Variants in NOL4 observed in about 807,000 individuals in gnomAD.
The protein encoded by NOL4 is cancer/testis antigen 125.
A neutral mutation model predicts 75.9 loss-of-function variants in NOL4; 17 were observed. The ratio of observed to expected loss-of-function variants is 0.22; its 90% confidence interval spans 0.15 to 0.34. The LOEUF (loss-of-function observed/expected upper bound fraction) is 0.34. Ranked by LOEUF, NOL4 falls within the 10% of genes least tolerant of loss-of-function variation. The pLI, the probability that NOL4 is intolerant of heterozygous loss-of-function variation, is 1.00. For synonymous variants in NOL4, 292 were observed against 289.9 expected, an observed-to-expected ratio of 1.01 and a Z score of -0.07; for missense variants, 614 against 793.5, an observed-to-expected ratio of 0.77 and a Z score of 2.72.
intron 5 of NOL4, among the ~76,000 whole-genome samples, chr18:34,029,170 C>G (rs2075505594): frequency 6.6e-6 from 1 of 152,078 alleles, no homozygotes; most frequent in South Asian, 2.1e-4. Context: ...CCCTTTGGAT[C>G]TCAAATATAT....
intron 2 of NOL4, among the ~76,000 whole-genome samples, chr18:34,127,903 T>C (rs1345870146): frequency 6.6e-6 from 1 of 151,740 alleles, no homozygotes; most frequent in Non-Finnish European, 1.5e-5. Flanking sequence ...AAGAAAAAAC[T>C]TGGGAAAAGA....
chr18:33,878,236 T>C (rs563303851), intron 10 of NOL4, among the ~76,000 whole-genome samples: 1 of 152,240 alleles, frequency 6.6e-6, no homozygotes, highest in African/African-American at 2.4e-5. Flanking sequence ...TTACCCAGGA[T>C]TGGTAGCTGC....
intron 1 of NOL4, among the ~76,000 whole-genome samples, chr18:34,161,195 A>G (rs913693872): frequency 2.0e-5 from 3 of 152,150 alleles, no homozygotes; most frequent in African/African-American, 7.2e-5. Context: ...TATATATACC[A>G]TATTTTCTTT....
At chr18:33,986,713 C>A (rs1318449262) in intron 6 of NOL4, among the ~76,000 whole-genome samples, 1 of 152,030 alleles carries the variant, frequency 6.6e-6, no homozygotes, top group Non-Finnish European at 1.5e-5. Flanking sequence ...ATCAGTTGGG[C>A]ATTTTTAAAA....
intron 5 of NOL4, among the ~76,000 whole-genome samples, chr18:34,029,902 A>G (rs1038298947): frequency 1.3e-5 from 2 of 152,214 alleles, no homozygotes; most frequent in Non-Finnish European, 2.9e-5. Flanking sequence ...AATTTTCAAT[A>G]ATAAATATAG....
At chr18:34,089,031 T>A (rs1212041960) in intron 5 of NOL4, among the ~76,000 whole-genome samples, 1 of 152,112 alleles carries the variant, frequency 6.6e-6, no homozygotes, top group Admixed American at 6.6e-5. Flanking sequence ...AGATATGTAT[T>A]TCCAACACAA....
At chr18:34,142,219 C>G (rs192239461) in intron 1 of NOL4, among the ~76,000 whole-genome samples, 2 of 152,196 alleles carry the variant, frequency 1.3e-5, no homozygotes, top group African/African-American at 4.8e-5. Context: ...AGGAACACTT[C>G]TAAGCTGTTG....
At chr18:33,888,642 G>A (rs1309286496) in intron 9 of NOL4, among the ~76,000 whole-genome samples, 1 of 152,108 alleles carries the variant, frequency 6.6e-6, no homozygotes, top group Non-Finnish European at 1.5e-5. Flanking sequence ...CAGGTGGCTA[G>A]ACAGTTTTCC....
intron 2 of NOL4, among the ~76,000 whole-genome samples, chr18:34,116,746 T>A (rs2079878725): frequency 6.6e-6 from 1 of 152,150 alleles, no homozygotes; most frequent in Non-Finnish European, 1.5e-5. Context: ...AGACTGTGTA[T>A]CATAAGTATG....
At chr18:34,015,477 A>C in intron 6 of NOL4, among the ~76,000 whole-genome samples, 1 of 151,946 alleles carries the variant, frequency 6.6e-6, no homozygotes, top group East Asian at 1.9e-4. Flanking sequence ...TGGCTTCTAA[A>C]ATATCCCCTT....
intron 5 of NOL4, among the ~76,000 whole-genome samples, chr18:34,058,430 G>A (rs910608672): frequency 2.6e-5 from 4 of 152,082 alleles, no homozygotes; most frequent in East Asian, 1.9e-4. Flanking sequence ...CACTGCGCCC[G>A]GCCTCCTTAT....
chr18:33,980,136 C>CA (rs1388940604), intron 6 of NOL4, among the ~76,000 whole-genome samples: 1 of 151,834 alleles, frequency 6.6e-6, no homozygotes, highest in Non-Finnish European at 1.5e-5. Context: ...GATTGCTATT[C>CA]AAAAAATCAG....
intron 6 of NOL4, among the ~76,000 whole-genome samples, chr18:34,013,713 G>A (rs780200200): frequency 1.6e-4 from 25 of 151,918 alleles, no homozygotes; most frequent in Non-Finnish European, 3.4e-4. Context: ...AAGCCTAGAG[G>A]AGACTCACAC....
chr18:34,029,517 C>T (rs2075525989), intron 5 of NOL4, among the ~76,000 whole-genome samples: 1 of 152,174 alleles, frequency 6.6e-6, no homozygotes, highest in Non-Finnish European at 1.5e-5. Context: ...ATGGCTTTCT[C>T]CAGATGATCT....
chr18:34,143,880 A>C (rs962902327), intron 1 of NOL4, among the ~76,000 whole-genome samples: 10 of 151,792 alleles, frequency 6.6e-5, no homozygotes, highest in African/African-American at 9.7e-5. Context: ...AAAAAAAAAA[A>C]AAAAAACCTG....
intron 9 of NOL4, among the ~76,000 whole-genome samples, chr18:33,923,259 A>G (rs961316541): frequency 1.3e-5 from 2 of 152,090 alleles, no homozygotes; most frequent in African/African-American, 2.4e-5. Flanking sequence ...TAGAAATTCT[A>G]TAAAGTCATT....
At chr18:33,853,448 C>A (rs10153396) in intron 10 of NOL4, among the ~76,000 whole-genome samples, 30,109 of 151,858 alleles carry the variant, frequency 0.2, 3,217 homozygotes, top group East Asian at 0.38. Flanking sequence ...CATCAATTTG[C>A]AATTTAAAAA....
chr18:34,066,171 A>C (rs1450097136), intron 5 of NOL4, among the ~76,000 whole-genome samples: 1 of 151,966 alleles, frequency 6.6e-6, no homozygotes, highest in African/African-American at 2.4e-5. Context: ...GTTTTAAAAA[A>C]TAATAGGTAT....
intron 10 of NOL4, among the ~76,000 whole-genome samples, chr18:33,876,909 A>G (rs544062293): frequency 1.9e-3 from 295 of 152,170 alleles, no homozygotes; most frequent in Non-Finnish European, 3.2e-3. Flanking sequence ...GGGAAACATC[A>G]CTTCCCTTGC....
Sources: allele counts gnomAD v4.1 joint callset (sites outside exome capture counted in the v4.1 genomes callset), GRCh38; gene constraint gnomAD v4.1.1; transcripts MANE v1.5; gene names NCBI Gene and HGNC (gene_info 2026-07-23, HGNC 2026-07-21).